The following PRKG1 variants were observed in gnomAD, a reference collection of about 807,000 sequenced individuals.
The protein encoded by PRKG1 is cGMP-dependent protein kinase 1.
Under a neutral mutation model 88.1 loss-of-function variants are expected in PRKG1, and 35 were observed. The ratio of observed to expected loss-of-function variants is 0.40; its 90% CI spans 0.30 to 0.53. The LOEUF is 0.53. Among genes scored for constraint, PRKG1 ranks in the 20% least tolerant of loss-of-function variants. The pLI, the probability that PRKG1 is intolerant of heterozygous loss-of-function variation, is 0.59. For missense variants in PRKG1, 540 were observed against 839.8 expected (o/e 0.64, Z 4.41); for synonymous variants, 303 against 292.5 (o/e 1.04, Z -0.37).
chr10:51,699,922 CG>C (rs1353753819), intron 3 of PRKG1, among the ~76,000 whole-genome samples: 11 of 152,234 alleles, frequency 7.2e-5, no homozygotes, highest in African/African-American at 2.7e-4. Flanking sequence ...CTTCCCTTGA[CG>C]TCAAAGGCGG....
At chr10:51,796,360 ATAT>A (rs973033023) in intron 3 of PRKG1, among the ~76,000 whole-genome samples, 1 of 152,100 alleles carries the variant, frequency 6.6e-6, no homozygotes, top group Non-Finnish European at 1.5e-5. Flanking sequence ...TATACCAAAA[ATAT>A]TATTATTTTA....
At chr10:52,171,820 G>T (rs1449817477) in intron 9 of PRKG1, among the ~76,000 whole-genome samples, 2 of 102,116 alleles carry the variant, frequency 2.0e-5, no homozygotes, top group Admixed American at 1.2e-4. Context: ...TTTTGAGACG[G>T]AGTCTCGCTC....
chr10:52,186,884 T>G (rs1839214478), intron 9 of PRKG1, among the ~76,000 whole-genome samples: 1 of 152,196 alleles, frequency 6.6e-6, no homozygotes, highest in Non-Finnish European at 1.5e-5. Flanking sequence ...TATAATTTTA[T>G]GTCTAAAAGA....
intron 3 of PRKG1, among the ~76,000 whole-genome samples, chr10:51,791,973 A>G (rs1838880371): frequency 6.6e-6 from 1 of 152,180 alleles, no homozygotes; most frequent in Non-Finnish European, 1.5e-5. Context: ...ACTCTTAATT[A>G]GAGACGTGAA....
At chr10:51,863,703 C>CCTTG (rs1840944465) in intron 4 of PRKG1, among the ~76,000 whole-genome samples, 3 of 152,174 alleles carry the variant, frequency 2.0e-5, no homozygotes, top group African/African-American at 4.8e-5. Context: ...AAGGCCCTCA[C>CCTTG]TAAATTTGGC....
chr10:51,817,963 T>G (rs1235016132), intron 4 of PRKG1, among the ~76,000 whole-genome samples: 2 of 152,204 alleles, frequency 1.3e-5, no homozygotes, highest in East Asian at 3.8e-4. Context: ...AATCACTTTT[T>G]TTCATTTAAA....
At position 51,618,587 on chromosome 10, in the gene PRKG1, A is replaced by G. The variant is rs1164373740; in HGVS notation, c.592+150751A>G. On this transcript the variant is annotated intron_variant, in intron 3 of 17. Coordinates refer to ENST00000373980, the MANE Select transcript of PRKG1 (RefSeq NM_006258.4). ...AACAACTATGCTGTGAATAGGTACTATTATAGTCCCTACTTCACAGATTAA... is the reference window on the plus strand; with the variant it reads ...AACAACTATGCTGTGAATAGGTACTGTTATAGTCCCTACTTCACAGATTAA... Among the ~76,000 whole-genome samples the G allele has an allele frequency of 2.6e-5, 4 of 152,190 alleles. No homozygotes were observed. The South Asian group carries it at 8.3e-4, about 31-fold the overall frequency.
intron 14 of PRKG1, among the ~76,000 whole-genome samples, chr10:52,288,057 C>G (rs546168817): frequency 6.6e-6 from 1 of 152,200 alleles, no homozygotes; most frequent in African/African-American, 2.4e-5. Context: ...TTAGATTAAA[C>G]TTTAAACTAG....
intron 9 of PRKG1, among the ~76,000 whole-genome samples, chr10:52,234,444 A>G (rs1840622785): frequency 6.6e-6 from 1 of 151,726 alleles, no homozygotes; most frequent in Admixed American, 6.6e-5. Context: ...GTATAACTAG[A>G]ATAACCAATA....
At chr10:51,119,821 AT>A (rs1450612178) in intron 1 of PRKG1, among the ~76,000 whole-genome samples, 1 of 152,140 alleles carries the variant, frequency 6.6e-6, no homozygotes, top group African/African-American at 2.4e-5. Flanking sequence ...CGTATAAAAA[AT>A]AATTAATTTT....
At chr10:51,476,759 G>A (rs868516875) in intron 3 of PRKG1, among the ~76,000 whole-genome samples, 2 of 151,890 alleles carry the variant, frequency 1.3e-5, no homozygotes, top group Non-Finnish European at 2.9e-5. Flanking sequence ...CTATTCATTC[G>A]CTCTCATTCC....
chr10:51,484,155 A>G (rs1589005129), intron 3 of PRKG1, among the ~76,000 whole-genome samples: 2 of 152,192 alleles, frequency 1.3e-5, no homozygotes, highest in Non-Finnish European at 2.9e-5. Context: ...AGTAGTCTAT[A>G]GCATGAAACA....
At chr10:51,094,371 T>C (rs10822197) in intron 1 of PRKG1, among the ~76,000 whole-genome samples, 42,729 of 151,910 alleles carry the variant, frequency 0.28, 6,134 homozygotes, top group Admixed American at 0.3. Flanking sequence ...TATCAGTATT[T>C]TCTGTGTTTT....
At chr10:51,215,906 G>T (rs1838360119) in intron 2 of PRKG1, among the ~76,000 whole-genome samples, 1 of 152,216 alleles carries the variant, frequency 6.6e-6, no homozygotes, top group African/African-American at 2.4e-5. Flanking sequence ...CTACTTTTTA[G>T]AAGTGTTCAT....
At chr10:51,087,795 C>T (rs1844292637) in intron 1 of PRKG1, among the ~76,000 whole-genome samples, 1 of 152,158 alleles carries the variant, frequency 6.6e-6, no homozygotes, top group South Asian at 2.1e-4. Context: ...GACATGGTCT[C>T]ACTCTAGTGA....
chr10:51,306,512 T>C (rs1325066607), intron 2 of PRKG1: 2 of 152,186 alleles, frequency 1.3e-5, no homozygotes, highest in Non-Finnish European at 2.9e-5. Context: ...AAAATAAACA[T>C]GTCCATTCTG....
intron 5 of PRKG1, among the ~76,000 whole-genome samples, chr10:52,027,614 G>T (rs1047792246): frequency 3.9e-5 from 6 of 152,146 alleles, no homozygotes; most frequent in Admixed American, 1.3e-4. Flanking sequence ...GGATAAGGAG[G>T]TAATAATTCA....
rs115232182 is a variant in PRKG1, at chr10:52,190,432, C to A, written c.1076+28469C>A. On this transcript the variant is annotated intron_variant, in intron 9 of 17. Coordinates refer to ENST00000373980, the MANE Select transcript of PRKG1 (RefSeq NM_006258.4). ...ATAAAACATAGTCCCATTTTACTTA[C>A]ATTTTTAATAAATATGAATATGGTG... is the stretch of plus-strand genomic sequence containing the variant. 5.6e-3 allele frequency among the ~76,000 whole-genome samples: 855 copies of A among 152,196 alleles called. 11 individuals carry two copies. Among genetic ancestry groups the A allele is most frequent in the African/African-American group, 0.02 (811 of 41,520 alleles).
intron 5 of PRKG1, among the ~76,000 whole-genome samples, chr10:51,933,231 G>A (rs535150818): frequency 1.4e-4 from 22 of 152,206 alleles, no homozygotes; most frequent in African/African-American, 5.1e-4. Context: ...AGGAATAGAA[G>A]GGCTTGCATC....
Sources: allele counts gnomAD v4.1 joint callset (sites outside exome capture counted in the v4.1 genomes callset), GRCh38; gene constraint gnomAD v4.1.1; transcripts MANE v1.5; gene names NCBI Gene and HGNC (gene_info 2026-07-23, HGNC 2026-07-21).